ANKAR: variants seen among roughly 807,000 people sequenced by gnomAD.
ANKAR encodes the protein ankyrin and armadillo repeat containing.
A neutral mutation model predicts 146.2 loss-of-function variants in ANKAR; 136 were observed. The observed-to-expected ratio is 0.93, with a 90% CI of 0.81 to 1.07. The LOEUF (loss-of-function observed/expected upper bound fraction) is 1.07. Among genes scored for constraint, ANKAR ranks in the 50% least tolerant of loss-of-function variants. The pLI is 0.00. For synonymous variants in ANKAR, 500 were observed against 575.8 expected (o/e 0.87, Z 1.88); for missense variants, 1,567 against 1,679.9 (o/e 0.93, Z 1.18).
At position 189,720,729 on chromosome 2, in the gene ANKAR, A is replaced by C. The variant is rs545007380; in HGVS notation, c.2577A>C (p.Arg859Ser). The C allele has an allele frequency of 2.6e-6, 4 of 1,522,738 alleles. No individual in the cohort carries two copies. The South Asian group carries it at 4.0e-5, about 15-fold the overall frequency. 94.3% of individuals were successfully genotyped at this position (1,522,738 alleles called of 1,614,324 possible). The change falls in exon 12 of 23, where the codon AGA (arginine) becomes AGC (serine). Residue 859 changes from arginine to serine, a missense_variant. Arg to Ser is a moderately radical substitution (Grantham distance 110). Coordinates refer to ENST00000684021, the MANE Select transcript of ANKAR (RefSeq NM_001378068.1). ...VLCIGNENNQ[R>S]AVREHKGLPY... ...GTATAGGAAATGAAAACAATCAAAG[A>C]GCTGTGAGAGAACATAAAGGCCTCC...
chr2:189,754,872 T>G, intron 18 of ANKAR: 1 of 351,042 alleles, frequency 2.8e-6, no homozygotes, highest in Non-Finnish European at 5.1e-6. Context: ...TTTTTTGCAG[T>G]ATGTTAGTTT....
intron 18 of ANKAR, chr2:189,754,313 T>C: frequency 1.2e-6 from 2 of 1,610,884 alleles, no homozygotes; most frequent in Non-Finnish European, 1.7e-6. Flanking sequence ...TGGAGCACTC[T>C]GGATGTTTTA....
At chr2:189,739,031 C>G (rs976027511) in intron 19 of ANKAR, among the ~76,000 whole-genome samples, 3 of 152,170 alleles carry the variant, frequency 2.0e-5, no homozygotes, top group African/African-American at 7.2e-5. Flanking sequence ...CAGATTTACA[C>G]AGATGTACCT....
chr2:189,692,101 C>T lies in ANKAR; in HGVS notation c.1040-154C>T, dbSNP rs576514377. On this transcript the variant is annotated intron_variant, in intron 3 of 22. Transcript: ENST00000684021. Reference sequence around the variant, plus strand: ...ATGTTAAACTATTTATATACATTAACAGCATAAATAATTTTATGCACTATA... The same window carrying T: ...ATGTTAAACTATTTATATACATTAATAGCATAAATAATTTTATGCACTATA... 3.7e-4 allele frequency among the ~76,000 whole-genome samples: 57 copies of T among 152,274 alleles called. 1 individual carries two copies. The East Asian group carries it at 9.1e-3, about 24-fold the overall frequency.
At position 189,728,296 on chromosome 2, in the gene ANKAR, A is replaced by T. The variant is rs1181965208; in HGVS notation, c.2907A>T (p.Gly969=). 1 of 1,610,818 alleles carries T rather than the reference A, an allele frequency of 6.2e-7. No individual in the cohort carries two copies. Among genetic ancestry groups the T allele is most frequent in the Non-Finnish European group, 8.5e-7 (1 of 1,179,278 alleles). Residue 969 remains glycine, a synonymous_variant, in exon 14 of 23, where the codon GGA becomes GGT. Transcript: ENST00000684021. ...TTCAAATAGATGTTAAGGAACAAGGAGCTGTTGCACTTTGGGCCTTGGCAG... is the reference window on the plus strand; with the variant it reads ...TTCAAATAGATGTTAAGGAACAAGGTGCTGTTGCACTTTGGGCCTTGGCAG... ...KAFQIDVKEQ[G]AVALWALAGQ... is the part of the protein sequence containing the mutation.
At chr2:189,739,626 C>T (rs2043148639) in intron 19 of ANKAR, among the ~76,000 whole-genome samples, 1 of 149,466 alleles carries the variant, frequency 6.7e-6, no homozygotes, top group African/African-American at 2.5e-5. Flanking sequence ...TGCAGTGGTG[C>T]GATCTTAGCT....
At chr2:189,738,517 G>T in intron 18 of ANKAR, 48 bp from the exon 19 acceptor site, 1 of 1,130,030 alleles carries the variant, frequency 8.8e-7, no homozygotes, top group Non-Finnish European at 1.3e-6. Flanking sequence ...AATTAGAGAA[G>T]CTGAGTAGAA....
At chr2:189,718,535 T>C (rs1272450691) in intron 10 of ANKAR, among the ~76,000 whole-genome samples, 3 of 152,188 alleles carry the variant, frequency 2.0e-5, no homozygotes, top group Non-Finnish European at 4.4e-5. Context: ...GATATGTTCC[T>C]GAAAACCTGT....
intron 18 of ANKAR, chr2:189,752,761 A>C (rs976054651): frequency 2.5e-6 from 4 of 1,613,338 alleles, no homozygotes; most frequent in African/African-American, 2.7e-5. Flanking sequence ...CAATAGCTCC[A>C]AGATCTGAAG....
At chr2:189,708,429 A>G (rs944460455) in intron 9 of ANKAR, among the ~76,000 whole-genome samples, 16 of 152,342 alleles carry the variant, frequency 1.1e-4, no homozygotes, top group African/African-American at 3.6e-4. Context: ...TGATTTTACA[A>G]TTGTGCAAAA....
rs79055433 is a variant in ANKAR at position 189,757,207 on chromosome 2, C to G, written c.*585-3891C>G. Reference sequence around the variant, plus strand: ...GCAAAAGACAATAAGGGATTGAACTCAGTCAGTGAGAAGGGAGAGGAAAGT... The same window carrying G: ...GCAAAAGACAATAAGGGATTGAACTGAGTCAGTGAGAAGGGAGAGGAAAGT... On this transcript the variant is annotated intron_variant and NMD_transcript_variant, in intron 18 of 18. Transcript: ENST00000441800. Among the ~76,000 whole-genome samples the G allele has an allele frequency of 1.5e-3, 223 of 152,248 alleles. 7 individuals carry two copies. The East Asian group carries it at 0.041, about 28-fold the overall frequency.
intron 3 of ANKAR, among the ~76,000 whole-genome samples, chr2:189,691,828 C>A (rs956073854): frequency 6.6e-6 from 1 of 151,832 alleles, no homozygotes; most frequent in African/African-American, 2.4e-5. Flanking sequence ...GTGGCATGAT[C>A]TCAGCTCACT....
intron 11 of ANKAR, 77 bp from the exon 12 acceptor site, chr2:189,720,542 G>C: frequency 9.0e-7 from 1 of 1,108,090 alleles, no homozygotes; most frequent in African/African-American, 1.6e-5. Flanking sequence ...CACCACTTCC[G>C]GCCAACTTGT....
Position 189,677,066 on chromosome 2 carries a change from C to A in ANKAR, c.576C>A (p.Asp192Glu). 1 of 1,565,798 alleles carries A rather than the reference C, an allele frequency of 6.4e-7. No individual in the cohort carries two copies. The highest frequency in any genetic ancestry group is 1.4e-5 in the African/African-American group (1 of 72,620). ...ATGGAAAACCTCAAACAAATAAAGA[C>A]ATTTTTTCAGAGTTTAGTTCAGCAG... ...DPDGKPQTNK[D>E]IFSEFSSAGL... The change falls in exon 2 of 23, where the codon GAC (aspartate) becomes GAA (glutamate). Residue 192 changes from aspartate to glutamate, a missense_variant. Coordinates refer to ENST00000684021, the MANE Select transcript of ANKAR (RefSeq NM_001378068.1).
chr2:189,742,395 TTTAA>T (rs1398553816), intron 20 of ANKAR, among the ~76,000 whole-genome samples: 16 of 152,154 alleles, frequency 1.1e-4, no homozygotes, highest in Admixed American at 2.6e-4. Flanking sequence ...AGGAACATAC[TTTAA>T]TTAATCATAT....
rs750596814 is a variant in ANKAR, at chr2:189,738,549, T to G, written c.3583-16T>G. 5.4e-6 allele frequency: 8 copies of G among 1,471,902 alleles called. No individual in the cohort carries two copies. The South Asian group carries it at 8.5e-5, about 16-fold the overall frequency. 91.2% of individuals were successfully genotyped at this position (1,471,902 alleles called of 1,614,324 possible). A position where few individuals can be genotyped will look rare whatever the true frequency, so the allele number is the denominator to read the frequency against. On this transcript the variant is annotated splice_polypyrimidine_tract_variant and intron_variant, in intron 18 of 22. Coordinates refer to ENST00000684021, the MANE Select transcript of ANKAR (RefSeq NM_001378068.1). ...AGAAAATGTTCAAAGACTCTCTGCT[T>G]CTTTTCTGTTTTCAGATTGTTGTAC...
chr2:189,745,307 A>C (rs1316117069), intron 22 of ANKAR, among the ~76,000 whole-genome samples: 2 of 152,134 alleles, frequency 1.3e-5, no homozygotes, highest in Admixed American at 6.5e-5. Flanking sequence ...ATTTTCTGTA[A>C]GGCCTTCCCT....
intron 7 of ANKAR, 72 bp from the exon 8 acceptor site, chr2:189,704,951 C>A: frequency 7.1e-7 from 1 of 1,413,546 alleles, no homozygotes; most frequent in Non-Finnish European, 9.9e-7. Flanking sequence ...GGCTGGATAT[C>A]AATAAGGCAT....
At chr2:189,727,438 G>A (rs1392761167) in intron 12 of ANKAR, among the ~76,000 whole-genome samples, 1 of 150,856 alleles carries the variant, frequency 6.6e-6, no homozygotes. Context: ...AGGAGGCTGA[G>A]GTGGGAGGAT....
Sources: allele counts gnomAD v4.1 joint callset (sites outside exome capture counted in the v4.1 genomes callset), GRCh38; gene constraint gnomAD v4.1.1; transcripts MANE v1.5; gene names NCBI Gene and HGNC (gene_info 2026-07-23, HGNC 2026-07-21).